Variants in EPHA6 observed in about 807,000 individuals in gnomAD.
EPHA6 encodes ephrin type-A receptor 6.
Under a neutral mutation model 112.0 loss-of-function variants are expected in EPHA6, and 50 were observed. That is an observed-to-expected ratio of 0.45 (90% CI 0.36 to 0.56). The LOEUF (loss-of-function observed/expected upper bound fraction) is 0.56, where lower values mean the gene tolerates loss of function less well. Ranked by LOEUF, EPHA6 falls within the 20% of genes least tolerant of loss-of-function variation. EPHA6 has a pLI of 0.00. For missense variants in EPHA6, 1,280 were observed against 1,417.4 expected, an observed-to-expected ratio of 0.90 and a Z score of 1.56; for synonymous variants, 529 against 490.7, an observed-to-expected ratio of 1.08 and a Z score of -1.03.
intron 10 of EPHA6, among the ~76,000 whole-genome samples, chr3:97,531,854 A>G (rs1332616705): frequency 1.3e-5 from 2 of 152,016 alleles, no homozygotes; most frequent in Non-Finnish European, 2.9e-5. Context: ...ACTATGGTAG[A>G]GTTCAGTGTG....
intron 5 of EPHA6, among the ~76,000 whole-genome samples, chr3:97,326,814 G>A (rs1230326642): frequency 6.6e-6 from 1 of 152,050 alleles, no homozygotes; most frequent in Non-Finnish European, 1.5e-5. Flanking sequence ...TTTCTAAGAA[G>A]TATGATTTGC....
intron 3 of EPHA6, among the ~76,000 whole-genome samples, chr3:97,191,596 C>G (rs570561326): frequency 6.6e-6 from 1 of 151,938 alleles, no homozygotes; most frequent in African/African-American, 2.4e-5. Flanking sequence ...TCTGGCTTAT[C>G]TCATTTAACA....
chr3:97,632,974 A>C (rs914947068), intron 13 of EPHA6, among the ~76,000 whole-genome samples: 1 of 152,082 alleles, frequency 6.6e-6, no homozygotes, highest in Non-Finnish European at 1.5e-5. Context: ...CCTCGGTCTA[A>C]GTACTTGAGC....
chr3:97,275,780 T>G (rs2080053755), intron 5 of EPHA6, among the ~76,000 whole-genome samples: 3 of 150,232 alleles, frequency 2.0e-5, no homozygotes, highest in Non-Finnish European at 4.4e-5. Flanking sequence ...AAGGGGTGCA[T>G]GATCGGTCGC....
intron 11 of EPHA6, among the ~76,000 whole-genome samples, chr3:97,534,203 T>C (rs2092730124): frequency 6.6e-6 from 1 of 152,164 alleles, no homozygotes; most frequent in African/African-American, 2.4e-5. Context: ...GTGTAATACA[T>C]TTAGCACCCT....
chr3:96,919,852 G>A (rs2039673019), intron 2 of EPHA6, among the ~76,000 whole-genome samples: 1 of 151,844 alleles, frequency 6.6e-6, no homozygotes, highest in South Asian at 2.1e-4. Flanking sequence ...GAAAAGGAGT[G>A]CATAAAAGTC....
intron 3 of EPHA6, among the ~76,000 whole-genome samples, chr3:97,006,883 G>A (rs1299311675): frequency 2.0e-5 from 3 of 152,182 alleles, no homozygotes; most frequent in African/African-American, 7.2e-5. Flanking sequence ...TCAGGAGCAG[G>A]TTGTTCAATT....
At position 97,338,398 on chromosome 3, in the gene EPHA6, T is replaced by G. The variant is rs1005428473; in HGVS notation, c.1607-66752T>G. Among the ~76,000 whole-genome samples the G allele has an allele frequency of 5.7e-4, 86 of 152,122 alleles. 3 individuals are homozygous for G. The highest frequency in any genetic ancestry group is 7.4e-5 in the Non-Finnish European group (5 of 68,018). ...AAATGCATCCTTAACCCTAACTCTC[T>G]GTGAGCATCTACCCAGATCACCAGA... On this transcript the variant is annotated intron_variant, in intron 5 of 17. Transcript: ENST00000389672.
chr3:97,108,542 G>C (rs2047633897), intron 3 of EPHA6, among the ~76,000 whole-genome samples: 1 of 152,158 alleles, frequency 6.6e-6, no homozygotes, highest in Non-Finnish European at 1.5e-5. Context: ...AAATGTTTGT[G>C]TAATGCTTCA....
chr3:97,229,322 G>C (rs1004290515), intron 4 of EPHA6, among the ~76,000 whole-genome samples: 2 of 152,078 alleles, frequency 1.3e-5, no homozygotes, highest in Admixed American at 6.5e-5. Context: ...TTTTTCTGAT[G>C]TTATCTTCTA....
At chr3:97,503,608 T>G (rs1270021109) in intron 10 of EPHA6, among the ~76,000 whole-genome samples, 3 of 152,184 alleles carry the variant, frequency 2.0e-5, no homozygotes, top group African/African-American at 7.2e-5. Context: ...GATTTCAGTG[T>G]GTCATAGTAA....
chr3:97,473,991 C>A (rs920922395), intron 7 of EPHA6, among the ~76,000 whole-genome samples: 3 of 151,764 alleles, frequency 2.0e-5, no homozygotes, highest in Non-Finnish European at 3.0e-5. Flanking sequence ...GACTTCAACT[C>A]TTTTGTTTTT....
chr3:97,617,395 T>C (rs2093775781), intron 13 of EPHA6, among the ~76,000 whole-genome samples: 1 of 152,118 alleles, frequency 6.6e-6, no homozygotes. Context: ...TTAGCTAGCA[T>C]CACGATGTCA....
chr3:97,231,733 G>A (rs918639908), intron 4 of EPHA6, among the ~76,000 whole-genome samples: 19 of 152,112 alleles, frequency 1.2e-4, no homozygotes, highest in Non-Finnish European at 2.2e-4. Context: ...TTAGTATGAA[G>A]AAAAATAGTG....
chr3:97,092,714 G>C (rs1308638021), intron 3 of EPHA6, among the ~76,000 whole-genome samples: 1 of 151,846 alleles, frequency 6.6e-6, no homozygotes, highest in Non-Finnish European at 1.5e-5. Flanking sequence ...TTATAATATC[G>C]AGCAATTGTA....
At chr3:97,384,835 A>G (rs1053522039) in intron 5 of EPHA6, among the ~76,000 whole-genome samples, 3 of 152,160 alleles carry the variant, frequency 2.0e-5, no homozygotes, top group African/African-American at 7.2e-5. Flanking sequence ...CATGGCAAAT[A>G]TATCAACATC....
At chr3:97,144,169 A>C (rs868170968) in intron 3 of EPHA6, among the ~76,000 whole-genome samples, 1 of 151,594 alleles carries the variant, frequency 6.6e-6, no homozygotes, top group Non-Finnish European at 1.5e-5. Context: ...GATTTTGACA[A>C]CTTTCACAGA....
chr3:97,212,171 A>G (rs1032914898), intron 3 of EPHA6, among the ~76,000 whole-genome samples: 1 of 152,178 alleles, frequency 6.6e-6, no homozygotes, highest in African/African-American at 2.4e-5. Context: ...AGAATCTCTG[A>G]CTAGGGGATA....
chr3:97,525,865 T>C (rs2092611742), intron 10 of EPHA6, among the ~76,000 whole-genome samples: 1 of 152,188 alleles, frequency 6.6e-6, no homozygotes, highest in African/African-American at 2.4e-5. Context: ...GATGAAGGTC[T>C]GCTTCAGGAT....
Sources: gnomAD v4.1 joint callset for allele counts (sites outside exome capture counted in the v4.1 genomes callset) on GRCh38, gnomAD v4.1.1 for gene constraint, MANE v1.5 for transcripts, NCBI Gene and HGNC (gene_info 2026-07-23, HGNC 2026-07-21) for gene names.